ZNF138: variants seen among roughly 807,000 people sequenced by gnomAD.
The protein encoded by ZNF138 is zinc finger protein 138.
Under a neutral mutation model 33.0 loss-of-function variants are expected in ZNF138, and 33 were observed. The ratio of observed to expected loss-of-function variants is 1.00; its 90% CI spans 0.76 to 1.34. The LOEUF is 1.34. Among genes scored for constraint, ZNF138 ranks in the 40% most tolerant of loss-of-function variants. The pLI is 0.00. For missense variants in ZNF138, 360 were observed against 370.8 expected (o/e 0.97, Z 0.24); for synonymous variants, 139 against 120.4 (o/e 1.15, Z -1.01).
chr7:64,827,457 G>T (rs1789732019), intron 3 of ZNF138, among the ~76,000 whole-genome samples: 1 of 151,194 alleles, frequency 6.6e-6, no homozygotes, highest in Non-Finnish European at 1.5e-5. Context: ...TGTTAGCCAG[G>T]ATGGTCTCGA....
chr7:64,796,972 C>A (rs1486351048), intron 1 of ZNF138, among the ~76,000 whole-genome samples: 1 of 151,860 alleles, frequency 6.6e-6, no homozygotes, highest in Non-Finnish European at 1.5e-5. Context: ...ATCATTTGAA[C>A]CCCATAGGCA....
chr7:64,804,375 G>A (rs1304971889), intron 1 of ZNF138, among the ~76,000 whole-genome samples: 2 of 152,124 alleles, frequency 1.3e-5, no homozygotes, highest in Non-Finnish European at 2.9e-5. Context: ...CTTCTCATGT[G>A]GACCCCCTTG....
chr7:64,808,901 G>T (rs374958623), intron 1 of ZNF138, among the ~76,000 whole-genome samples: 1 of 139,590 alleles, frequency 7.2e-6, no homozygotes, highest in Non-Finnish European at 1.6e-5. Context: ...AGGGTTGGGG[G>T]TAAGGTCACA....
chr7:64,826,593 ATGTG>A (rs1284296185), intron 3 of ZNF138, among the ~76,000 whole-genome samples: 2 of 145,490 alleles, frequency 1.4e-5, no homozygotes, highest in Non-Finnish European at 3.0e-5. Flanking sequence ...AATTTTTTAA[ATGTG>A]TGTATTTATT....
the ZNF138 span, among the ~76,000 whole-genome samples, chr7:64,854,526 C>T: frequency 1.3e-5 from 2 of 152,182 alleles, no homozygotes; most frequent in African/African-American, 4.8e-5. Flanking sequence ...TAGGCGTGAG[C>T]CATCACACCT....
rs924594957 is a variant in ZNF138, at chr7:64,832,486, G to C, written c.*284G>C. On this transcript the variant is annotated 3_prime_UTR_variant, in exon 4 of 4. Coordinates refer to ENST00000307355, the MANE Select transcript of ZNF138 (RefSeq NM_001271639.2). ...AGTACACATAAGAAAATTCATACTG[G>C]GGAGAAACCCCACAAATGTGGAGAA... 1.0e-5 allele frequency: 12 copies of C among 1,165,194 alleles called. No homozygotes were observed. The highest frequency in any genetic ancestry group is 5.5e-5 in the Admixed American group (2 of 36,148). 72.2% of individuals were successfully genotyped at this position (1,165,194 alleles called of 1,614,324 possible). A position where few individuals can be genotyped will look rare whatever the true frequency, so the allele number is the denominator to read the frequency against.
intron 1 of ZNF138, among the ~76,000 whole-genome samples, chr7:64,813,470 G>T (rs1157128677): frequency 6.9e-6 from 1 of 145,894 alleles, no homozygotes; most frequent in Non-Finnish European, 1.5e-5. Flanking sequence ...GTCTCGCGCT[G>T]TCGCCCAGGC....
chr7:64,832,263 G>A lies in ZNF138; in HGVS notation c.*61G>A. Reference sequence around the variant, plus strand: ...GAAAGCCTACAAATGTGAAGAATGTGGCAAAGCCTTTAACCAGTTTTCAAC... The same window carrying A: ...GAAAGCCTACAAATGTGAAGAATGTAGCAAAGCCTTTAACCAGTTTTCAAC... On this transcript the variant is annotated 3_prime_UTR_variant, in exon 4 of 4. Coordinates refer to ENST00000307355, the MANE Select transcript of ZNF138 (RefSeq NM_001271639.2). 1.2e-6 allele frequency: 2 copies of A among 1,600,836 alleles called. No individual in the cohort carries two copies. The highest frequency in any genetic ancestry group is 1.7e-6 in the Non-Finnish European group (2 of 1,175,780).
At chr7:64,814,661 G>C (rs1788461948) in intron 1 of ZNF138, among the ~76,000 whole-genome samples, 1 of 152,048 alleles carries the variant, frequency 6.6e-6, no homozygotes, top group African/African-American at 2.4e-5. Context: ...AGCTACTCGG[G>C]ATGCTGAGGC....
chr7:64,815,872 CAGTG>C (rs58045322), intron 3 of ZNF138, among the ~76,000 whole-genome samples: 95,588 of 151,908 alleles, frequency 0.63, 30,555 homozygotes, highest in African/African-American at 0.72. Context: ...TTCAAGTTCA[CAGTG>C]AGAGCCAACG....
the ZNF138 span, among the ~76,000 whole-genome samples, chr7:64,839,590 G>A: frequency 3.4e-3 from 518 of 151,604 alleles, 8 homozygotes; most frequent in African/African-American, 0.012. Flanking sequence ...AGGGAGGAAT[G>A]GACAAAAGGA....
At chr7:64,834,904 A>G (rs535407449), downstream of ZNF138, among the ~76,000 whole-genome samples, 6 of 152,328 alleles carry the variant, frequency 3.9e-5, no homozygotes, top group South Asian at 8.3e-4. Context: ...TTGAAAGGCA[A>G]TGGAAGGGCA....
intron 3 of ZNF138, among the ~76,000 whole-genome samples, 174 bp from the exon 4 acceptor site, chr7:64,831,277 T>C (rs1397482276): frequency 6.6e-6 from 1 of 152,098 alleles, no homozygotes; most frequent in Non-Finnish European, 1.5e-5. Flanking sequence ...TCTCCACAGA[T>C]ATGTTTTGGT....
chr7:64,814,845 G>T, intron 1 of ZNF138, 73 bp from the exon 2 acceptor site: 1 of 1,580,816 alleles, frequency 6.3e-7, no homozygotes, highest in Admixed American at 1.7e-5. Flanking sequence ...ATTTTACCTT[G>T]AGTCAAATTT....
chr7:64,821,914 T>C (rs1329188179), intron 3 of ZNF138, among the ~76,000 whole-genome samples: 2 of 106,372 alleles, frequency 1.9e-5, no homozygotes, highest in Non-Finnish European at 3.5e-5. Flanking sequence ...GCAAATATTG[T>C]CTTTTTTTTT....
At chr7:64,827,566 C>G (rs935533598) in intron 3 of ZNF138, among the ~76,000 whole-genome samples, 1 of 152,110 alleles carries the variant, frequency 6.6e-6, no homozygotes, top group Non-Finnish European at 1.5e-5. Flanking sequence ...AATAAACATC[C>G]TCACCTTTTA....
At chr7:64,839,313 G>A in the ZNF138 span, among the ~76,000 whole-genome samples, 8 of 152,166 alleles carry the variant, frequency 5.3e-5, no homozygotes, top group South Asian at 6.2e-4. Context: ...CCCTAAGGGG[G>A]TGTTTTGCGT....
At position 64,832,997 on chromosome 7, in the gene ZNF138, A is replaced by G; in HGVS notation, c.*795A>G. 2.3e-6 allele frequency: 1 copy of G among 433,450 alleles called. No homozygotes were observed. The highest frequency in any genetic ancestry group is 1.8e-5 in the South Asian group (1 of 56,170). 26.9% of individuals were successfully genotyped at this position (433,450 alleles called of 1,614,324 possible). On this transcript the variant is annotated 3_prime_UTR_variant, in exon 4 of 4. Transcript: ENST00000307355. ...ATAAGAAAATTCAAACTGGAGAGAAACTCTACAAATGTGAAGAATGTGGCA... is the reference window on the plus strand; with the variant it reads ...ATAAGAAAATTCAAACTGGAGAGAAGCTCTACAAATGTGAAGAATGTGGCA...
At chr7:64,824,717 GT>G (rs1178746536) in intron 3 of ZNF138, among the ~76,000 whole-genome samples, 1 of 152,008 alleles carries the variant, frequency 6.6e-6, no homozygotes, top group East Asian at 1.9e-4. Context: ...CATAATATCA[GT>G]TTTTGTCTCT....
Sources: gnomAD v4.1 joint callset for allele counts (sites outside exome capture counted in the v4.1 genomes callset) on GRCh38, gnomAD v4.1.1 for gene constraint, MANE v1.5 for transcripts, NCBI Gene and HGNC (gene_info 2026-07-23, HGNC 2026-07-21) for gene names.